Variants in SLIT1 observed in about 807,000 individuals in gnomAD.
The protein encoded by SLIT1 is slit homolog 1 protein.
A neutral mutation model predicts 186.1 loss-of-function variants in SLIT1; 66 were observed. The observed-to-expected ratio is 0.35, with a 90% CI of 0.29 to 0.44. The LOEUF is 0.44. Among genes scored for constraint, SLIT1 ranks in the 20% least tolerant of loss-of-function variants. The probability of loss-of-function intolerance (pLI) is 1.00; values close to 1 mark genes in which losing one functional copy is unlikely to be tolerated. For missense variants in SLIT1, 1,638 were observed against 2,037.4 expected, an observed-to-expected ratio of 0.80 and a Z score of 3.77; for synonymous variants, 761 against 833.8, an observed-to-expected ratio of 0.91 and a Z score of 1.50.
intron 31 of SLIT1, among the ~76,000 whole-genome samples, chr10:97,007,943 C>A (rs1489159691): frequency 1.5e-5 from 2 of 129,646 alleles, no homozygotes; most frequent in Non-Finnish European, 3.1e-5. Context: ...CTAGCCATGG[C>A]AGTTAGGAAA....
intron 30 of SLIT1, among the ~76,000 whole-genome samples, chr10:97,013,069 A>G (rs1473552984): frequency 6.6e-6 from 1 of 152,246 alleles, no homozygotes; most frequent in Admixed American, 6.5e-5. Flanking sequence ...TCCTGGGACC[A>G]GATAGGTTTT....
intron 1 of SLIT1, among the ~76,000 whole-genome samples, chr10:97,176,909 A>T (rs1266715862): frequency 6.6e-6 from 1 of 152,084 alleles, no homozygotes; most frequent in Non-Finnish European, 1.5e-5. Flanking sequence ...CTGCCCTCTA[A>T]TGTGGGTGGG....
intron 28 of SLIT1, among the ~76,000 whole-genome samples, chr10:97,017,848 CTTTT>C (rs1177419241): frequency 2.2e-5 from 3 of 134,648 alleles, no homozygotes; most frequent in Admixed American, 7.4e-5. Flanking sequence ...ATTTTCTTTT[CTTTT>C]TTTTTTTTTT....
At position 97,035,606 on chromosome 10, in the gene SLIT1, C is replaced by T. The variant is rs111292437; in HGVS notation, c.2367-1064G>A. Among the ~76,000 whole-genome samples, 181 of 152,324 alleles carry T rather than the reference C, an allele frequency of 1.2e-3. No individual in the cohort carries two copies. In the Middle Eastern group the frequency reaches 0.014, roughly 11 times the overall value. ...ACCTCATCTCTCACCCACTGCTTTG[C>T]CCCTTTTGATCCATCTGCCATGAGG... On this transcript the variant is annotated intron_variant, in intron 22 of 36. Coordinates refer to ENST00000266058, the MANE Select transcript of SLIT1 (RefSeq NM_003061.3).
chr10:97,046,396 C>A (rs1848733901), intron 18 of SLIT1, among the ~76,000 whole-genome samples: 1 of 152,236 alleles, frequency 6.6e-6, no homozygotes, highest in Non-Finnish European at 1.5e-5. Flanking sequence ...GGAAGGGACC[C>A]CTAGAAGGGT....
intron 4 of SLIT1, among the ~76,000 whole-genome samples, chr10:97,107,933 C>A (rs879623902): frequency 6.6e-6 from 1 of 152,188 alleles, no homozygotes; most frequent in African/African-American, 2.4e-5. Context: ...AACCTGTGGG[C>A]AGGACCAGCA....
At chr10:97,165,502 C>T (rs751507575) in intron 1 of SLIT1, among the ~76,000 whole-genome samples, 5 of 152,072 alleles carry the variant, frequency 3.3e-5, no homozygotes, top group Non-Finnish European at 7.3e-5. Flanking sequence ...GAACTGCACA[C>T]GACGGGGAGG....
rs558743235 is a variant in SLIT1, at chr10:97,027,323, C to T, written c.2582+3434G>A. On this transcript the variant is annotated intron_variant, in intron 25 of 36. Transcript: ENST00000266058. ...GAGTTGCAGGTCTTAAGCACAGAGG[C>T]GACAACCACTGTATGTGTGTACATG... 1.3e-4 allele frequency among the ~76,000 whole-genome samples: 20 copies of T among 152,296 alleles called. No homozygotes were observed. In the South Asian group the frequency reaches 4.1e-3, roughly 32 times the overall value.
At chr10:97,073,054 T>C (rs906716822) in intron 4 of SLIT1, among the ~76,000 whole-genome samples, 3 of 152,250 alleles carry the variant, frequency 2.0e-5, no homozygotes, top group African/African-American at 7.2e-5. Flanking sequence ...AAGCCTTCCC[T>C]GGACCTGGAT....
At chr10:97,107,871 C>T (rs988068030) in intron 4 of SLIT1, among the ~76,000 whole-genome samples, 3 of 152,122 alleles carry the variant, frequency 2.0e-5, no homozygotes, top group African/African-American at 7.2e-5. Flanking sequence ...CAACCACACT[C>T]GAGGCCCATG....
chr10:97,099,359 C>A (rs1849326512), intron 4 of SLIT1, among the ~76,000 whole-genome samples: 1 of 152,128 alleles, frequency 6.6e-6, no homozygotes, highest in Admixed American at 6.5e-5. Flanking sequence ...GGTCGGCCAC[C>A]CAGAGCAGCA....
In SLIT1 at chr10:97,000,414, C is replaced by A. The variant is rs1334412844; in HGVS notation, c.*698G>T. ...ACTGTTTCCTCCACATAAGCCCTCGCAGCTACAGTAGTCATGCTAGAACTT... is the reference window on the plus strand; with the variant it reads ...ACTGTTTCCTCCACATAAGCCCTCGAAGCTACAGTAGTCATGCTAGAACTT... On this transcript the variant is annotated 3_prime_UTR_variant, in exon 37 of 37. Coordinates refer to ENST00000266058, the MANE Select transcript of SLIT1 (RefSeq NM_003061.3). 6.6e-6 allele frequency: 1 copy of A among 152,376 alleles called. No homozygotes were observed. Among genetic ancestry groups the A allele is most frequent in the Non-Finnish European group, 1.5e-5 (1 of 68,138 alleles). The allele number at this position is 152,376 out of a possible 1,614,324, so 9.4% of individuals were successfully genotyped here. A position where few individuals can be genotyped will look rare whatever the true frequency, so the allele number is the denominator to read the frequency against.
intron 3 of SLIT1, among the ~76,000 whole-genome samples, chr10:97,158,400 A>T (rs573773573): frequency 6.6e-6 from 1 of 152,130 alleles, no homozygotes; most frequent in African/African-American, 2.4e-5. Context: ...AGTGGCTCAC[A>T]ACTGTAATCC....
chr10:97,100,988 C>T (rs1849347410), intron 4 of SLIT1, among the ~76,000 whole-genome samples: 1 of 152,194 alleles, frequency 6.6e-6, no homozygotes, highest in Admixed American at 6.5e-5. Context: ...GAGCAGAAAA[C>T]AGTAAGGGAA....
rs915882545 is a variant in SLIT1 at position 97,021,145 on chromosome 10, C to A, written c.2746+105G>T. Reference sequence around the variant, plus strand: ...TGCCTTGTTCCTGTCCCCTGACCCCCCGCCCAGCGGTCACCACAGGGACGC... The same window carrying A: ...TGCCTTGTTCCTGTCCCCTGACCCCACGCCCAGCGGTCACCACAGGGACGC... On this transcript the variant is annotated intron_variant, in intron 26 of 36. Coordinates refer to ENST00000266058, the MANE Select transcript of SLIT1 (RefSeq NM_003061.3). The surrounding 1 kb of genome is among the most constrained non-coding windows in gnomAD (Gnocchi z 4.5). 1.7e-6 allele frequency: 2 copies of A among 1,146,618 alleles called. No homozygotes were observed. The highest frequency in any genetic ancestry group is 2.7e-5 in the East Asian group (1 of 37,020). 71.0% of individuals were successfully genotyped at this position (1,146,618 alleles called of 1,614,324 possible). A position where few individuals can be genotyped will look rare whatever the true frequency, so the allele number is the denominator to read the frequency against.
intron 4 of SLIT1, among the ~76,000 whole-genome samples, chr10:97,109,445 T>C (rs114059336): frequency 0.02 from 3,087 of 152,168 alleles, 121 homozygotes; most frequent in African/African-American, 0.07. Context: ...GCCTCCAAGA[T>C]GCTCAGGGAG....
intron 4 of SLIT1, among the ~76,000 whole-genome samples, chr10:97,104,009 G>A (rs571986502): frequency 1.7e-4 from 26 of 152,236 alleles, no homozygotes; most frequent in Admixed American, 1.2e-3. Flanking sequence ...TTCCTGCGGC[G>A]GGGATACAGC....
At position 97,030,835 on chromosome 10, in the gene SLIT1, A is replaced by G. The variant is rs1299803337; in HGVS notation, c.2511-7T>C. On this transcript the variant is annotated splice_polypyrimidine_tract_variant and splice_region_variant and intron_variant, in intron 24 of 36. Transcript: ENST00000266058. ...GTCATTGCCGTGGAGAGACCTGAGA[A>G]GGGAAGAGGCTGCTGGTGCCTTATC... 6.2e-7 allele frequency: 1 copy of G among 1,613,432 alleles called. No individual in the cohort carries two copies. The highest frequency in any genetic ancestry group is 8.5e-7 in the Non-Finnish European group (1 of 1,179,678).
In SLIT1 at chr10:97,131,271, G is replaced by A. The variant is rs117894179; in HGVS notation, c.413+26547C>T. Among the ~76,000 whole-genome samples the A allele has an allele frequency of 6.4e-3, 972 of 152,282 alleles. 3 individuals carry two copies. The highest frequency in any genetic ancestry group is 0.014 in the Middle Eastern group (4 of 294). On this transcript the variant is annotated intron_variant, in intron 4 of 36. Coordinates refer to ENST00000266058, the MANE Select transcript of SLIT1 (RefSeq NM_003061.3). Reference sequence around the variant, plus strand: ...CTCTAATGCCCTTTAAAATTCTGCCGGCATCTCTCACCACACACACTGTCA... The same window carrying A: ...CTCTAATGCCCTTTAAAATTCTGCCAGCATCTCTCACCACACACACTGTCA...
Sources: gnomAD v4.1 joint callset for allele counts (sites outside exome capture counted in the v4.1 genomes callset) on GRCh38, gnomAD v4.1.1 for gene constraint, Gnocchi (gnomAD v3.1) non-coding constraint, MANE v1.5 for transcripts, NCBI Gene and HGNC (gene_info 2026-07-23, HGNC 2026-07-21) for gene names.